The following OPCML variants were observed in gnomAD, a reference collection of about 807,000 sequenced individuals.
The protein encoded by OPCML is opioid binding protein/cell adhesion molecule like.
Under a neutral mutation model 37.8 loss-of-function variants are expected in OPCML, and 13 were observed. The ratio of observed to expected loss-of-function variants is 0.34; its 90% confidence interval spans 0.22 to 0.55. OPCML has a LOEUF of 0.55. OPCML is among the 20% of genes least tolerant of loss of function. The probability of loss-of-function intolerance (pLI) is 0.91; values close to 1 mark genes in which losing one functional copy is unlikely to be tolerated. For missense variants in OPCML, 341 were observed against 435.6 expected (o/e 0.78, Z 1.93); for synonymous variants, 176 against 168.8 (o/e 1.04, Z -0.33).
intron 1 of OPCML, among the ~76,000 whole-genome samples, chr11:133,311,692 G>A (rs1206307051): frequency 6.6e-6 from 1 of 152,210 alleles, no homozygotes; most frequent in Non-Finnish European, 1.5e-5. Flanking sequence ...AGTGAATGTG[G>A]CCTAGCAGCA....
chr11:133,207,732 C>T (rs151304295), intron 1 of OPCML, among the ~76,000 whole-genome samples: 3 of 152,282 alleles, frequency 2.0e-5, no homozygotes, highest in South Asian at 4.2e-4. Flanking sequence ...GCAATGCCGA[C>T]TGAGGAAGAA....
At chr11:132,749,090 A>T (rs903582212) in intron 2 of OPCML, among the ~76,000 whole-genome samples, 2 of 152,120 alleles carry the variant, frequency 1.3e-5, no homozygotes, top group African/African-American at 4.8e-5. Context: ...GCCCTCATGA[A>T]TGGGACCTGT....
At chr11:132,480,197 A>G (rs1164439685) in intron 4 of OPCML, among the ~76,000 whole-genome samples, 3 of 152,200 alleles carry the variant, frequency 2.0e-5, no homozygotes, top group African/African-American at 7.2e-5. Flanking sequence ...GCTGAAAACC[A>G]AGGCTTGAGA....
chr11:132,594,406 T>C (rs1057346830), intron 3 of OPCML, among the ~76,000 whole-genome samples: 2 of 152,108 alleles, frequency 1.3e-5, no homozygotes, highest in Admixed American at 6.6e-5. Flanking sequence ...TGAGAAAAGA[T>C]TGAGAAGAAT....
chr11:133,069,687 T>G (rs749527186), intron 1 of OPCML, among the ~76,000 whole-genome samples: 6 of 152,236 alleles, frequency 3.9e-5, no homozygotes, highest in Middle Eastern at 3.2e-3. Flanking sequence ...CAAATGGCAT[T>G]GTCTCAACAG....
At chr11:132,683,850 C>G (rs1943055707) in intron 2 of OPCML, among the ~76,000 whole-genome samples, 1 of 152,090 alleles carries the variant, frequency 6.6e-6, no homozygotes, top group Admixed American at 6.6e-5. Flanking sequence ...GAGTTTTGCC[C>G]TCTGTGAAAT....
chr11:133,253,830 A>ATTCCTTTCCCTTCCC (rs1941227137), intron 1 of OPCML, among the ~76,000 whole-genome samples: 1 of 71,866 alleles, frequency 1.4e-5, no homozygotes, highest in Non-Finnish European at 2.7e-5. Flanking sequence ...CTTCCCTTCC[A>ATTCCTTTCCCTTCCC]TTCCCTTCCC....
At position 132,709,842 on chromosome 11, in the gene OPCML, G is replaced by A. The variant is rs562093255; in HGVS notation, c.147-52523C>T. Among the ~76,000 whole-genome samples, 250 of 152,308 alleles carry A rather than the reference G, an allele frequency of 1.6e-3. 2 individuals carry two copies. The highest frequency in any genetic ancestry group is 5.2e-3 in the African/African-American group (215 of 41,576). ...GCGTCAGAGGGGATTCGCTAAGACC[G>A]TGCGAATATCCTGCTTCTCTTTGAT... On this transcript the variant is annotated intron_variant, in intron 2 of 7. Coordinates refer to ENST00000524381, the MANE Select transcript of OPCML (RefSeq NM_001012393.5).
intron 1 of OPCML, among the ~76,000 whole-genome samples, chr11:133,190,487 A>G (rs904699102): frequency 3.9e-5 from 6 of 152,136 alleles, no homozygotes; most frequent in African/African-American, 1.2e-4. Flanking sequence ...TATAGTTCAT[A>G]TAACATACAA....
At chr11:132,713,878 A>G (rs1490621003) in intron 2 of OPCML, among the ~76,000 whole-genome samples, 2 of 152,244 alleles carry the variant, frequency 1.3e-5, no homozygotes, top group African/African-American at 4.8e-5. Flanking sequence ...AAGGTCTCCT[A>G]TGAAAATGAT....
At chr11:132,714,052 G>A (rs1017896604) in intron 2 of OPCML, among the ~76,000 whole-genome samples, 21 of 152,152 alleles carry the variant, frequency 1.4e-4, no homozygotes, top group African/African-American at 4.3e-4. Flanking sequence ...AATTGTTTAT[G>A]AAAATTTTAA....
chr11:133,278,942 A>G (rs1942065879), intron 1 of OPCML, among the ~76,000 whole-genome samples: 1 of 152,218 alleles, frequency 6.6e-6, no homozygotes, highest in African/African-American at 2.4e-5. Context: ...CGCCTAATCA[A>G]GAGGAGAAGA....
chr11:133,024,325 A>C, intron 1 of OPCML: 2 of 984,584 alleles, frequency 2.0e-6, no homozygotes, highest in Non-Finnish European at 2.4e-6. Context: ...ATGCTCTGGG[A>C]AGGAAGTGCG....
intron 3 of OPCML, among the ~76,000 whole-genome samples, chr11:132,639,200 G>A (rs1260444290): frequency 1.3e-5 from 2 of 152,198 alleles, no homozygotes; most frequent in Middle Eastern, 3.2e-3. Flanking sequence ...AGAGCAGGCG[G>A]GTGGTCTGAA....
At chr11:132,564,218 G>A (rs930642411) in intron 3 of OPCML, among the ~76,000 whole-genome samples, 1 of 152,202 alleles carries the variant, frequency 6.6e-6, no homozygotes, top group Admixed American at 6.5e-5. Flanking sequence ...AAGTCTCCAA[G>A]AGCCAAGATA....
chr11:132,898,887 A>G (rs1421968754), intron 2 of OPCML, among the ~76,000 whole-genome samples: 1 of 150,662 alleles, frequency 6.6e-6, no homozygotes, highest in East Asian at 1.9e-4. Flanking sequence ...TTCTGAGTCA[A>G]CTGGCTATGT....
chr11:133,250,163 A>G (rs912118131), intron 1 of OPCML, among the ~76,000 whole-genome samples: 3 of 152,256 alleles, frequency 2.0e-5, no homozygotes, highest in Non-Finnish European at 4.4e-5. Context: ...GGGGAATATA[A>G]TAAGTATGTT....
chr11:132,647,220 A>G (rs1041470702), intron 3 of OPCML, among the ~76,000 whole-genome samples: 4 of 152,188 alleles, frequency 2.6e-5, no homozygotes, highest in Admixed American at 1.3e-4. Flanking sequence ...TTAAGATACA[A>G]CCTTGTACTT....
intron 1 of OPCML, among the ~76,000 whole-genome samples, chr11:132,953,267 C>T (rs530631328): frequency 5.3e-5 from 8 of 152,236 alleles, no homozygotes; most frequent in Non-Finnish European, 7.4e-5. Flanking sequence ...ATTTGCTGCA[C>T]GAGAGAACTG....
Sources: gnomAD v4.1 joint callset for allele counts (sites outside exome capture counted in the v4.1 genomes callset) on GRCh38, gnomAD v4.1.1 for gene constraint, MANE v1.5 for transcripts, NCBI Gene and HGNC (gene_info 2026-07-23, HGNC 2026-07-21) for gene names.